Variants in EPHA4 observed in about 807,000 individuals in gnomAD.
EPHA4 encodes the protein ephrin type-A receptor 4.
In EPHA4, 19 loss-of-function variants were observed where a neutral mutation model predicts 108.3. That is an observed-to-expected ratio of 0.18 (90% CI 0.12 to 0.26). The LOEUF (loss-of-function observed/expected upper bound fraction) is 0.26. Among genes scored for constraint, EPHA4 ranks in the 10% least tolerant of loss-of-function variants. The pLI, the probability that EPHA4 is intolerant of heterozygous loss-of-function variation, is 1.00. For missense variants in EPHA4, 917 were observed against 1,254.0 expected (o/e 0.73, Z 4.06); for synonymous variants, 449 against 455.5 (o/e 0.99, Z 0.18).
chr2:221,531,239 T>C (rs1693503190), intron 3 of EPHA4, among the ~76,000 whole-genome samples: 1 of 152,182 alleles, frequency 6.6e-6, no homozygotes, highest in Middle Eastern at 3.2e-3. Flanking sequence ...CAGATGTTTA[T>C]ACTGGTAGGT....
At chr2:221,499,742 ATATATATATATATATTTTTTT>A (rs1259320267) in intron 4 of EPHA4, among the ~76,000 whole-genome samples, 11 of 56,462 alleles carry the variant, frequency 1.9e-4, no homozygotes, top group African/African-American at 8.8e-4. Context: ...ATATATATAT[ATATATATATATATATTTTTTT>A]TTTTTTTTTT....
chr2:221,496,665 T>A (rs1299312755), intron 4 of EPHA4, among the ~76,000 whole-genome samples: 1 of 152,190 alleles, frequency 6.6e-6, no homozygotes, highest in Non-Finnish European at 1.5e-5. Context: ...CCCAGCACTT[T>A]GGGAGGCCGA....
At chr2:221,443,058 C>T in intron 10 of EPHA4, 44 bp from the exon 11 acceptor site, 1 of 1,576,254 alleles carries the variant, frequency 6.3e-7, no homozygotes. Context: ...GAAACACATT[C>T]AAGATGAAAG....
chr2:221,489,862 G>A (rs73089607), intron 4 of EPHA4, among the ~76,000 whole-genome samples: 7,410 of 152,194 alleles, frequency 0.049, 366 homozygotes, highest in African/African-American at 0.12. Flanking sequence ...TAGCACTATG[G>A]CTGAGCACAG....
At chr2:221,484,100 G>T (rs1466375279) in intron 4 of EPHA4, among the ~76,000 whole-genome samples, 3 of 152,154 alleles carry the variant, frequency 2.0e-5, no homozygotes, top group African/African-American at 7.2e-5. Context: ...CAGGAAATTA[G>T]TACAAGTTTC....
At chr2:221,537,953 T>A (rs959504470) in intron 3 of EPHA4, among the ~76,000 whole-genome samples, 4 of 152,204 alleles carry the variant, frequency 2.6e-5, no homozygotes, top group African/African-American at 9.6e-5. Flanking sequence ...CCAGACTATC[T>A]TTTTCAAGGA....
chr2:221,426,615 TAGGTCTAG>T lies in EPHA4; in HGVS notation c.2691-4_2694del, dbSNP rs751250108. On this transcript the variant is annotated splice_acceptor_variant and splice_polypyrimidine_tract_variant and coding_sequence_variant and intron_variant, in exon 16 of 18. Coordinates refer to ENST00000281821, the MANE Select transcript of EPHA4 (RefSeq NM_004438.5). LOFTEE classifies it high-confidence loss of function. ...GAGCTTGGATCCAACAAGGCAGTGT[TAGGTCTAG>T]AAAGAGAACAAGAAAATATAAGCAG... 1 of 1,612,546 alleles carries T rather than the reference TAGGTCTAG, an allele frequency of 6.2e-7. No individual in the cohort carries two copies.
At chr2:221,506,002 C>T (rs1207069554) in intron 3 of EPHA4, among the ~76,000 whole-genome samples, 3 of 152,072 alleles carry the variant, frequency 2.0e-5, no homozygotes, top group Non-Finnish European at 1.5e-5. Context: ...AATATAGAGT[C>T]GCTTGAGGGT....
intron 3 of EPHA4, among the ~76,000 whole-genome samples, chr2:221,563,028 T>G (rs1694514595): frequency 1.3e-5 from 2 of 152,220 alleles, no homozygotes; most frequent in Non-Finnish European, 1.5e-5. Context: ...GGTCACAATT[T>G]GCTATTGCTT....
At chr2:221,547,041 A>T (rs1391953416) in intron 3 of EPHA4, among the ~76,000 whole-genome samples, 29 of 152,246 alleles carry the variant, frequency 1.9e-4, no homozygotes, top group Non-Finnish European at 1.5e-5. Context: ...CTGAAGCCAC[A>T]GGTAGCAATA....
At chr2:221,497,747 G>GAAAAAA (rs1692341742) in intron 4 of EPHA4, among the ~76,000 whole-genome samples, 1 of 151,698 alleles carries the variant, frequency 6.6e-6, no homozygotes, top group South Asian at 2.1e-4. Context: ...AAAAAAAAAT[G>GAAAAAA]AAAAAATAAG....
intron 3 of EPHA4, among the ~76,000 whole-genome samples, chr2:221,535,698 ATCT>A (rs752869974): frequency 1.2e-4 from 18 of 152,300 alleles, no homozygotes; most frequent in East Asian, 7.7e-4. Context: ...GGCTTTTCTT[ATCT>A]TCTTCTTCTA....
chr2:221,492,848 T>G (rs1692188771), intron 4 of EPHA4, among the ~76,000 whole-genome samples: 1 of 152,202 alleles, frequency 6.6e-6, no homozygotes, highest in South Asian at 2.1e-4. Context: ...GTGGAGGAGT[T>G]GGTGTCTCAA....
rs951062498 is a variant in EPHA4 at position 221,436,276 on chromosome 2, G to A, written c.2346+123C>T. 5.6e-5 allele frequency: 45 copies of A among 809,364 alleles called. No homozygotes were observed. In the African/African-American group the frequency reaches 7.3e-4, roughly 13 times the overall value. 50.1% of individuals were successfully genotyped at this position (809,364 alleles called of 1,614,324 possible). ...TTTAAAAATGGATGCAGGAATATGA[G>A]GAGGCTTCAAGGGATGAGAAAACTT... is the stretch of plus-strand genomic sequence containing the variant. On this transcript the variant is annotated intron_variant, in intron 13 of 17. Coordinates refer to ENST00000281821, the MANE Select transcript of EPHA4 (RefSeq NM_004438.5).
At chr2:221,564,887 CAAAAAAAA>C (rs1233305564) in intron 2 of EPHA4, among the ~76,000 whole-genome samples, 1 of 73,066 alleles carries the variant, frequency 1.4e-5, no homozygotes, top group South Asian at 4.9e-4. Context: ...TCTAATACCT[CAAAAAAAA>C]AAAAAAAAAA....
At chr2:221,443,222 A>T (rs1015743563) in intron 10 of EPHA4, among the ~76,000 whole-genome samples, 8 of 151,916 alleles carry the variant, frequency 5.3e-5, no homozygotes, top group Non-Finnish European at 1.0e-4. Context: ...AATGCAAAAA[A>T]CCTACACAAA....
chr2:221,449,051 G>T (rs1388967889), intron 8 of EPHA4, among the ~76,000 whole-genome samples: 1 of 152,130 alleles, frequency 6.6e-6, no homozygotes, highest in Non-Finnish European at 1.5e-5. Context: ...AGTGGTGAAG[G>T]TGTGTTTTTA....
intron 8 of EPHA4, among the ~76,000 whole-genome samples, chr2:221,453,042 ACTG>A (rs1315469727): frequency 1.3e-5 from 2 of 152,190 alleles, no homozygotes; most frequent in African/African-American, 4.8e-5. Context: ...CTCCAGTTTG[ACTG>A]CTGTATTTAG....
intron 4 of EPHA4, 136 bp from the exon 5 acceptor site, chr2:221,482,826 C>G (rs764726616): frequency 4.2e-6 from 3 of 711,802 alleles, no homozygotes; most frequent in Non-Finnish European, 6.8e-6. Flanking sequence ...GCAAATCAAG[C>G]CAGCATAAAA....
Sources: allele counts gnomAD v4.1 joint callset (sites outside exome capture counted in the v4.1 genomes callset), GRCh38; gene constraint gnomAD v4.1.1; transcripts MANE v1.5; gene names NCBI Gene and HGNC (gene_info 2026-07-23, HGNC 2026-07-21).